Variants in PPFIA1 observed in about 807,000 individuals in gnomAD.
PPFIA1 encodes the protein liprin-alpha-1.
A neutral mutation model predicts 149.9 loss-of-function variants in PPFIA1; 25 were observed. The ratio of observed to expected loss-of-function variants is 0.17; its 90% CI spans 0.12 to 0.23. The LOEUF (loss-of-function observed/expected upper bound fraction) is 0.23. Among genes scored for constraint, PPFIA1 ranks in the 10% least tolerant of loss-of-function variants. PPFIA1 has a pLI of 1.00. For synonymous variants in PPFIA1, 549 were observed against 552.8 expected, an observed-to-expected ratio of 0.99 and a Z score of 0.10; for missense variants, 1,362 against 1,506.5, an observed-to-expected ratio of 0.90 and a Z score of 1.59.
intron 2 of PPFIA1, among the ~76,000 whole-genome samples, chr11:70,308,785 A>G (rs1406599359): frequency 6.6e-6 from 1 of 152,138 alleles, no homozygotes; most frequent in African/African-American, 2.4e-5. Context: ...AACAAAACAA[A>G]AAAACCCAAC....
intron 17 of PPFIA1, among the ~76,000 whole-genome samples, chr11:70,355,361 G>A (rs2056303218): frequency 1.3e-5 from 2 of 152,190 alleles, no homozygotes; most frequent in African/African-American, 4.8e-5. Flanking sequence ...AGCTGCTGGA[G>A]GGGAAGCAGG....
intron 2 of PPFIA1, among the ~76,000 whole-genome samples, chr11:70,281,206 G>A (rs188334220): frequency 4.4e-4 from 67 of 152,218 alleles, no homozygotes; most frequent in Middle Eastern, 3.4e-3. Context: ...ATGAAAAACT[G>A]TAGAAAGCGC....
chr11:70,332,126 G>A (rs770971864), intron 9 of PPFIA1, 32 bp downstream of exon 9: 13 of 1,557,294 alleles, frequency 8.3e-6, no homozygotes, highest in African/African-American at 1.4e-5. Flanking sequence ...TGGTTCGGCT[G>A]CCAGGCCTGT....
Position 70,318,183 on chromosome 11 carries a change from C to T in PPFIA1, c.265-6219C>T, listed in dbSNP as rs142770056. On this transcript the variant is annotated intron_variant, in intron 2 of 27. Coordinates refer to ENST00000253925, the MANE Select transcript of PPFIA1 (RefSeq NM_003626.5). ...TGCATCCCGCCCTCTTTCTTCTACG[C>T]GGCATGCTGCCTACCCGTCCTCTCT... Among the ~76,000 whole-genome samples, 160 of 152,338 alleles carry T rather than the reference C, an allele frequency of 1.1e-3. 1 individual carries two copies. The highest frequency in any genetic ancestry group is 3.7e-3 in the African/African-American group (153 of 41,584).
At chr11:70,316,591 T>A (rs1328641267) in intron 2 of PPFIA1, among the ~76,000 whole-genome samples, 1 of 149,738 alleles carries the variant, frequency 6.7e-6, no homozygotes, top group African/African-American at 2.5e-5. Flanking sequence ...CCACGTGAGG[T>A]TGGGGACCAT....
chr11:70,325,611 G>A (rs1356508853), intron 5 of PPFIA1, 37 bp downstream of exon 5: 1 of 1,442,156 alleles, frequency 6.9e-7, no homozygotes, highest in African/African-American at 1.4e-5. Flanking sequence ...GAATTGGGGG[G>A]GGGTTATTTT....
At chr11:70,358,689 A>T (rs1360986057) in intron 19 of PPFIA1, 1 of 152,210 alleles carries the variant, frequency 6.6e-6, no homozygotes, top group South Asian at 2.1e-4. Flanking sequence ...TTAACTGCAA[A>T]ATTTACACAG....
At chr11:70,377,873 G>A (rs1265851302) in intron 25 of PPFIA1, among the ~76,000 whole-genome samples, 157 bp from the exon 26 acceptor site, 1 of 152,106 alleles carries the variant, frequency 6.6e-6, no homozygotes, top group East Asian at 1.9e-4. Flanking sequence ...GAAGTTCCAG[G>A]TTGGGCAATA....
chr11:70,352,224 C>G (rs949334857), intron 16 of PPFIA1, among the ~76,000 whole-genome samples: 1 of 152,062 alleles, frequency 6.6e-6, no homozygotes, highest in Non-Finnish European at 1.5e-5. Context: ...AGTTTGTGAC[C>G]TGGAGTCTGT....
At chr11:70,299,818 G>A (rs1330662497) in intron 2 of PPFIA1, among the ~76,000 whole-genome samples, 2 of 152,114 alleles carry the variant, frequency 1.3e-5, no homozygotes, top group Admixed American at 6.5e-5. Flanking sequence ...CCGGGACCTC[G>A]GTGCCTGTGG....
intron 2 of PPFIA1, among the ~76,000 whole-genome samples, chr11:70,307,536 G>A (rs1310761189): frequency 1.3e-5 from 2 of 152,126 alleles, no homozygotes; most frequent in Non-Finnish European, 2.9e-5. Context: ...AGAGTGAACA[G>A]GGCTGAAAGG....
rs1400539599 is a variant in PPFIA1 at position 70,362,468 on chromosome 11, G to T, written c.2845G>T (p.Ala949Ser). 1 of 1,613,422 alleles carries T rather than the reference G, an allele frequency of 6.2e-7. No individual in the cohort carries two copies. Among genetic ancestry groups the T allele is most frequent in the Admixed American group, 1.7e-5 (1 of 59,970 alleles). Residue 949 changes from alanine to serine, a missense_variant, in exon 21 of 28, where the codon GCC (alanine) becomes TCC (serine). Around this residue, in one of 7 missense-constraint regions of PPFIA1, gnomAD observed 349 missense variants for 373.3 expected, o/e 0.93. Coordinates refer to ENST00000253925, the MANE Select transcript of PPFIA1 (RefSeq NM_003626.5). ...QEIMSLTSPS[A>S]PPTSRTTLAY... Reference sequence around the variant, plus strand: ...GATCATGTCGCTGACCAGCCCGTCTGCCCCGCCCACATCTAGAACGGTACG... The same window carrying T: ...GATCATGTCGCTGACCAGCCCGTCTTCCCCGCCCACATCTAGAACGGTACG...
At position 70,300,565 on chromosome 11, in the gene PPFIA1, C is replaced by T. The variant is rs1029450867; in HGVS notation, c.265-23837C>T. Among the ~76,000 whole-genome samples the T allele has an allele frequency of 1.9e-4, 28 of 147,384 alleles. No homozygotes were observed. The East Asian group carries it at 4.0e-3, about 21-fold the overall frequency. ...TTTTTTTTTTTTTGAGATGGAGTCT[C>T]GCTCTGTCGCCCAGGCTGGAGTGCA... is the stretch of plus-strand genomic sequence containing the variant. On this transcript the variant is annotated intron_variant, in intron 2 of 27. Coordinates refer to ENST00000253925, the MANE Select transcript of PPFIA1 (RefSeq NM_003626.5).
chr11:70,288,635 G>A (rs1291167654), intron 2 of PPFIA1, among the ~76,000 whole-genome samples: 1 of 152,200 alleles, frequency 6.6e-6, no homozygotes, highest in African/African-American at 2.4e-5. Flanking sequence ...ATATTCCTGT[G>A]TGAAGAAGAG....
chr11:70,278,423 A>G (rs1479170260), intron 2 of PPFIA1, among the ~76,000 whole-genome samples: 2 of 152,080 alleles, frequency 1.3e-5, no homozygotes, highest in Non-Finnish European at 1.5e-5. Context: ...CAGCGAATTC[A>G]TTGTTTTTTT....
rs373783497 is a variant in PPFIA1 at position 70,375,024 on chromosome 11, G to A, written c.3246G>A (p.Leu1082=). ...LIESGVHGAL[L]ALDETFDFSA... is the part of the protein sequence containing the mutation. ...AGAGTGGTGTTCACGGAGCACTTCT[G>A]GCCTTAGATGAAACCTTCGACTTCA... Residue 1082 remains leucine, a synonymous_variant, in exon 24 of 28, where the codon CTG becomes CTA. Transcript: ENST00000253925. 20 of 1,613,842 alleles carry A rather than the reference G, an allele frequency of 1.2e-5. No homozygotes were observed. The African/African-American group carries it at 2.4e-4, about 19-fold the overall frequency.
chr11:70,279,308 G>A (rs997682770), intron 2 of PPFIA1: 1 of 228,798 alleles, frequency 4.4e-6, no homozygotes, highest in African/African-American at 2.3e-5. Context: ...TTTCAATTCT[G>A]CTGAAGCTCA....
intron 2 of PPFIA1, among the ~76,000 whole-genome samples, chr11:70,287,795 C>T (rs2051248899): frequency 6.6e-6 from 1 of 151,856 alleles, no homozygotes; most frequent in Non-Finnish European, 1.5e-5. Flanking sequence ...GTGCATGTAC[C>T]GCCACACCTG....
intron 2 of PPFIA1, chr11:70,284,129 A>G (rs1315049966): frequency 2.3e-6 from 1 of 443,286 alleles, no homozygotes; most frequent in Non-Finnish European, 4.5e-6. Flanking sequence ...ACTTTAGTGA[A>G]CAAATTAGGA....
Sources: allele counts gnomAD v4.1 joint callset (sites outside exome capture counted in the v4.1 genomes callset), GRCh38; gene constraint gnomAD v4.1.1; regional missense constraint gnomAD v4.1.1; transcripts MANE v1.5; gene names NCBI Gene and HGNC (gene_info 2026-07-23, HGNC 2026-07-21).